The following PLXDC2 variants were observed in gnomAD, a reference collection of about 807,000 sequenced individuals.
PLXDC2 encodes plexin domain containing 2, also known as plexin domain-containing protein 2.
PLXDC2 carries 40 observed loss-of-function variants against 68.9 expected under a neutral mutation model. The observed-to-expected ratio is 0.58, with a 90% confidence interval of 0.45 to 0.76. The LOEUF (loss-of-function observed/expected upper bound fraction) is 0.76. PLXDC2 is among the 30% of genes least tolerant of loss of function. The probability of loss-of-function intolerance (pLI) is 0.00; values close to 1 mark genes in which losing one functional copy is unlikely to be tolerated. For missense variants in PLXDC2, 644 were observed against 661.9 expected (o/e 0.97, Z 0.30); for synonymous variants, 243 against 234.2 (o/e 1.04, Z -0.34).
intron 1 of PLXDC2, among the ~76,000 whole-genome samples, chr10:19,833,255 C>G (rs1242627997): frequency 1.3e-5 from 2 of 152,172 alleles, no homozygotes; most frequent in East Asian, 3.9e-4. Flanking sequence ...AAGTGCAGTG[C>G]TACTGTTGCA....
chr10:19,880,441 A>G (rs1413597942), intron 1 of PLXDC2, among the ~76,000 whole-genome samples: 2 of 152,208 alleles, frequency 1.3e-5, no homozygotes, highest in Admixed American at 1.3e-4. Context: ...AAATAGAGCA[A>G]TTGTAACAGG....
rs1191613913 is a variant in PLXDC2 at position 20,230,693 on chromosome 10, C to CAAAAAAAAAAAAAAAAA, written c.1312+11596_1312+11612dup. Among the ~76,000 whole-genome samples, 27 of 37,798 alleles carry CAAAAAAAAAAAAAAAAA rather than the reference C, an allele frequency of 7.1e-4. 4 individuals are homozygous for CAAAAAAAAAAAAAAAAA. Among genetic ancestry groups the CAAAAAAAAAAAAAAAAA allele is most frequent in the Admixed American group, 2.3e-3 (6 of 2,556 alleles). 24.8% of individuals were successfully genotyped at this position (37,798 alleles called of 152,430 possible). On this transcript the variant is annotated intron_variant, in intron 12 of 13. Transcript: ENST00000377252. ...TGGGCTACAGAGTGAGACCTTGTCT[C>CAAAAAAAAAAAAAAAAA]AAAAAAAAAAAAAAAAAAAAACAGG...
chr10:20,098,869 T>C (rs926765437), intron 4 of PLXDC2, among the ~76,000 whole-genome samples: 3 of 152,152 alleles, frequency 2.0e-5, no homozygotes, highest in Admixed American at 2.0e-4. Flanking sequence ...GCAATAGGAA[T>C]GGCTAACATT....
intron 3 of PLXDC2, among the ~76,000 whole-genome samples, chr10:20,054,587 G>A (rs887207682): frequency 6.6e-6 from 1 of 152,010 alleles, no homozygotes; most frequent in African/African-American, 2.4e-5. Context: ...ATCGTTCTCA[G>A]CAAACTATCG....
intron 3 of PLXDC2, among the ~76,000 whole-genome samples, chr10:20,054,310 C>G (rs1010183376): frequency 2.0e-5 from 3 of 152,062 alleles, no homozygotes; most frequent in African/African-American, 7.2e-5. Flanking sequence ...GCTAAACTGA[C>G]TTAGCATCTT....
At chr10:19,840,158 G>A (rs1836875592) in intron 1 of PLXDC2, among the ~76,000 whole-genome samples, 1 of 151,988 alleles carries the variant, frequency 6.6e-6, no homozygotes, top group Non-Finnish European at 1.5e-5. Flanking sequence ...ATGTGTTTTG[G>A]ATTGACAGTT....
intron 1 of PLXDC2, among the ~76,000 whole-genome samples, chr10:19,928,381 A>G (rs1833574745): frequency 6.6e-6 from 1 of 152,224 alleles, no homozygotes. Context: ...GATGGACACA[A>G]TATACCATTT....
At chr10:19,899,821 A>G (rs1238999501) in intron 1 of PLXDC2, among the ~76,000 whole-genome samples, 1 of 152,148 alleles carries the variant, frequency 6.6e-6, no homozygotes, top group Non-Finnish European at 1.5e-5. Context: ...ATGATATGAA[A>G]TGGGTTAATT....
chr10:20,060,502 A>G (rs1836082293), intron 3 of PLXDC2, among the ~76,000 whole-genome samples: 1 of 151,730 alleles, frequency 6.6e-6, no homozygotes, highest in Non-Finnish European at 1.5e-5. Flanking sequence ...AAAAAAAAAA[A>G]AAAAAAAAGT....
intron 5 of PLXDC2, among the ~76,000 whole-genome samples, chr10:20,146,417 CTTTCTTTCTTTCTT>C (rs913588725): frequency 1.4e-5 from 2 of 148,018 alleles, no homozygotes; most frequent in East Asian, 2.0e-4. Context: ...GCTTCCTTTT[CTTTCTTTCTTTCTT>C]TTTCTTTCTT....
chr10:19,989,182 C>A (rs1033013266), intron 1 of PLXDC2, among the ~76,000 whole-genome samples: 1 of 152,082 alleles, frequency 6.6e-6, no homozygotes, highest in African/African-American at 2.4e-5. Context: ...CTGGGAGATG[C>A]TTAACAAAAT....
At chr10:19,848,743 G>A (rs570545522) in intron 1 of PLXDC2, among the ~76,000 whole-genome samples, 3 of 152,026 alleles carry the variant, frequency 2.0e-5, no homozygotes, top group Non-Finnish European at 4.4e-5. Context: ...TGGCTGTGTT[G>A]TACCCACAGG....
At chr10:19,936,173 C>T (rs1024489320) in intron 1 of PLXDC2, among the ~76,000 whole-genome samples, 1 of 152,080 alleles carries the variant, frequency 6.6e-6, no homozygotes, top group Non-Finnish European at 1.5e-5. Flanking sequence ...GTAACCAGAA[C>T]CCAGATTTAA....
intron 13 of PLXDC2, among the ~76,000 whole-genome samples, chr10:20,255,189 A>G (rs1835726814): frequency 1.4e-4 from 8 of 55,286 alleles, no homozygotes; most frequent in Admixed American, 1.2e-3. Context: ...GGATAGGTGG[A>G]TGGATAGATA....
intron 1 of PLXDC2, among the ~76,000 whole-genome samples, chr10:19,948,935 T>C (rs1833949964): frequency 6.6e-6 from 1 of 151,588 alleles, no homozygotes; most frequent in African/African-American, 2.4e-5. Flanking sequence ...ATCGAGATCG[T>C]CCTAGCCAAC....
chr10:19,970,022 A>G (rs1834325103), intron 1 of PLXDC2, among the ~76,000 whole-genome samples: 1 of 152,194 alleles, frequency 6.6e-6, no homozygotes, highest in African/African-American at 2.4e-5. Flanking sequence ...TGAAGAAGCA[A>G]TAGAGGGCAT....
intron 1 of PLXDC2, among the ~76,000 whole-genome samples, chr10:19,900,692 T>C (rs1298549054): frequency 6.6e-5 from 10 of 152,006 alleles, no homozygotes; most frequent in Admixed American, 3.3e-4. Flanking sequence ...TCTGAGATTT[T>C]GGTGTACCCA....
intron 9 of PLXDC2, among the ~76,000 whole-genome samples, chr10:20,205,006 A>G (rs1834972062): frequency 6.6e-6 from 1 of 152,150 alleles, no homozygotes; most frequent in African/African-American, 2.4e-5. Flanking sequence ...ATCCTTATGT[A>G]TTGCTTATGT....
chr10:20,077,301 G>T (rs554697916), intron 4 of PLXDC2, among the ~76,000 whole-genome samples: 1 of 152,028 alleles, frequency 6.6e-6, no homozygotes, highest in Non-Finnish European at 1.5e-5. Context: ...TTTATGTGTA[G>T]TCATTATTTC....
Sources: allele counts gnomAD v4.1 joint callset (sites outside exome capture counted in the v4.1 genomes callset), GRCh38; gene constraint gnomAD v4.1.1; transcripts MANE v1.5; gene names NCBI Gene and HGNC (gene_info 2026-07-23, HGNC 2026-07-21).